The following RGS8 variants were observed in gnomAD, a reference collection of about 807,000 sequenced individuals.
The protein encoded by RGS8 is regulator of G-protein signaling 8.
Under a neutral mutation model 21.7 loss-of-function variants are expected in RGS8, and 8 were observed. The observed-to-expected ratio is 0.37, with a 90% confidence interval of 0.22 to 0.66. RGS8 has a LOEUF of 0.66. Among genes scored for constraint, RGS8 ranks in the 30% least tolerant of loss-of-function variants. The pLI, the probability that RGS8 is intolerant of heterozygous loss-of-function variation, is 0.59. For missense variants in RGS8, 157 were observed against 217.9 expected (o/e 0.72, Z 1.76); for synonymous variants, 80 against 83.6 (o/e 0.96, Z 0.24).
chr1:182,662,087 A>G (rs953329357), intron 5 of RGS8, among the ~76,000 whole-genome samples: 1 of 152,150 alleles, frequency 6.6e-6, no homozygotes, highest in Non-Finnish European at 1.5e-5. Context: ...GGCATTTGTA[A>G]ACAAATATAA....
At chr1:182,701,895 C>T in the RGS8 span, among the ~76,000 whole-genome samples, 1 of 152,196 alleles carries the variant, frequency 6.6e-6, no homozygotes, top group Admixed American at 6.5e-5. Context: ...TACCATCTCA[C>T]ACAAGTCAGA....
chr1:182,699,750 G>T, the RGS8 span, among the ~76,000 whole-genome samples: 1 of 152,304 alleles, frequency 6.6e-6, no homozygotes, highest in Middle Eastern at 3.4e-3. Context: ...GGCCTGCAAT[G>T]TGCTGCAGGC....
chr1:182,667,206 CAAGTTGACGGT>C (rs1357358640), intron 3 of RGS8, among the ~76,000 whole-genome samples: 1 of 152,142 alleles, frequency 6.6e-6, no homozygotes, highest in African/African-American at 2.4e-5. Context: ...GCTGACACAG[CAAGTTGACGGT>C]AAGTCAATGA....
intron 3 of RGS8, among the ~76,000 whole-genome samples, chr1:182,668,568 G>C (rs953398551): frequency 2.6e-5 from 4 of 152,156 alleles, no homozygotes; most frequent in African/African-American, 9.7e-5. Flanking sequence ...GACAGCATTT[G>C]TATTCCACAG....
At chr1:182,733,758 C>T in the RGS8 span, 1 of 152,010 alleles carries the variant, frequency 6.6e-6, no homozygotes, top group Non-Finnish European at 1.5e-5. Context: ...CTACACTGTC[C>T]AATAAAATTA....
At chr1:182,718,949 G>A in the RGS8 span, among the ~76,000 whole-genome samples, 2 of 151,930 alleles carry the variant, frequency 1.3e-5, no homozygotes, top group African/African-American at 4.8e-5. Flanking sequence ...TAATGGAAAT[G>A]TCGAAGGGAT....
At chr1:182,701,544 G>T in the RGS8 span, among the ~76,000 whole-genome samples, 2 of 152,298 alleles carry the variant, frequency 1.3e-5, no homozygotes, top group East Asian at 3.9e-4. Context: ...GTACCATAAA[G>T]GAGGTTCTTA....
the RGS8 span, among the ~76,000 whole-genome samples, chr1:182,709,678 T>A: frequency 6.6e-6 from 1 of 152,164 alleles, no homozygotes; most frequent in African/African-American, 2.4e-5. Context: ...GACACACTAT[T>A]TCTATTCCCT....
chr1:182,656,390 G>A (rs376592271), intron 5 of RGS8, among the ~76,000 whole-genome samples: 3 of 152,140 alleles, frequency 2.0e-5, no homozygotes, highest in Non-Finnish European at 4.4e-5. Flanking sequence ...ACCTGCTGTC[G>A]CCTTCTCTGT....
At chr1:182,688,879 G>A (rs1275188954), upstream of RGS8, among the ~76,000 whole-genome samples, 1 of 152,102 alleles carries the variant, frequency 6.6e-6, no homozygotes, top group African/African-American at 2.4e-5. Context: ...AAATGAGCGG[G>A]GAAACAGAAC....
chr1:182,707,590 G>T, the RGS8 span, among the ~76,000 whole-genome samples: 5 of 152,140 alleles, frequency 3.3e-5, no homozygotes, highest in African/African-American at 1.2e-4. Flanking sequence ...TTATGGTTTG[G>T]CCAGGAAAAG....
At chr1:182,681,794 C>A (rs1408981472) in intron 1 of RGS8, among the ~76,000 whole-genome samples, 1 of 152,216 alleles carries the variant, frequency 6.6e-6, no homozygotes, top group Non-Finnish European at 1.5e-5. Context: ...TGAGCAAATT[C>A]CCCCTGACAC....
intron 1 of RGS8, among the ~76,000 whole-genome samples, chr1:182,680,369 T>C (rs1664500301): frequency 6.6e-6 from 1 of 152,220 alleles, no homozygotes; most frequent in South Asian, 2.1e-4. Flanking sequence ...CAGGGTTCCA[T>C]GGCTTTGGGC....
At chr1:182,730,223 C>T in the RGS8 span, among the ~76,000 whole-genome samples, 1 of 152,182 alleles carries the variant, frequency 6.6e-6, no homozygotes, top group Non-Finnish European at 1.5e-5. Flanking sequence ...ATCCATAAGA[C>T]ACTCATTCAC....
intron 1 of RGS8, among the ~76,000 whole-genome samples, chr1:182,682,133 T>A (rs1391206398): frequency 6.6e-6 from 1 of 152,188 alleles, no homozygotes; most frequent in African/African-American, 2.4e-5. Flanking sequence ...GGAAAATTGT[T>A]CTAAGTCATA....
At chr1:182,742,777 G>C in the RGS8 span, among the ~76,000 whole-genome samples, 8 of 85,046 alleles carry the variant, frequency 9.4e-5, no homozygotes, top group African/African-American at 2.5e-4. Flanking sequence ...GGGACAGGGA[G>C]AGGGAGAGGG....
the RGS8 span, among the ~76,000 whole-genome samples, chr1:182,721,072 C>CATATATACACATATATATGTGTGTAT: frequency 1.5e-5 from 1 of 66,930 alleles, no homozygotes. Context: ...TGTATATATA[C>CATATATACACATATATATGTGTGTAT]ATATATACAC....
intron 4 of RGS8, 31 bp downstream of exon 5, chr1:182,666,841 C>T: frequency 6.5e-7 from 1 of 1,529,288 alleles, no homozygotes; most frequent in Non-Finnish European, 9.1e-7. Flanking sequence ...GCTGTATTAC[C>T]CAGGGAATGG....
chr1:182,651,237 G>C (rs1488169920), intron 5 of RGS8, among the ~76,000 whole-genome samples: 1 of 152,328 alleles, frequency 6.6e-6, no homozygotes, highest in East Asian at 1.9e-4. Context: ...AGATGCTTCT[G>C]AACTTATGAT....
Sources: allele counts gnomAD v4.1 joint callset (sites outside exome capture counted in the v4.1 genomes callset), GRCh38; gene constraint gnomAD v4.1.1; transcripts MANE v1.5; gene names NCBI Gene and HGNC (gene_info 2026-07-23, HGNC 2026-07-21).